SHANK2: variants seen among roughly 807,000 people sequenced by gnomAD.
SHANK2 encodes the protein SH3 and multiple ankyrin repeat domains 2, also known as SH3 and multiple ankyrin repeat domains protein 2.
A neutral mutation model predicts 133.7 loss-of-function variants in SHANK2; 43 were observed. The observed-to-expected ratio is 0.32, with a 90% confidence interval of 0.25 to 0.41. The LOEUF is 0.41. Among genes scored for constraint, SHANK2 ranks in the 10% least tolerant of loss-of-function variants. The pLI is 1.00. For synonymous variants in SHANK2, 1,017 were observed against 952.8 expected (o/e 1.07, Z -1.24); for missense variants, 1,994 against 2,235.8 (o/e 0.89, Z 2.18).
intron 7 of SHANK2, among the ~76,000 whole-genome samples, chr11:71,094,180 A>C (rs1951566035): frequency 6.6e-6 from 1 of 152,028 alleles, no homozygotes; most frequent in African/African-American, 2.4e-5. Context: ...GAATGGCTTA[A>C]CACCACCCAC....
chr11:70,470,474 G>T lies in SHANK2; in HGVS notation c.*2395C>A, dbSNP rs2058584932. On this transcript the variant is annotated 3_prime_UTR_variant, in exon 26 of 26. Transcript: ENST00000601538. ...TGACTCTCCTTTGAGCTAGTGTTTT[G>T]CCTGGCACTGAGCACAGAGGTAATA... is the stretch of plus-strand genomic sequence containing the variant. 6.6e-6 allele frequency: 1 copy of T among 152,504 alleles called. No homozygotes were observed. Among genetic ancestry groups the T allele is most frequent in the Admixed American group, 6.5e-5 (1 of 15,280 alleles). 9.4% of individuals were successfully genotyped at this position (152,504 alleles called of 1,614,324 possible). A position where few individuals can be genotyped will look rare whatever the true frequency, so the allele number is the denominator to read the frequency against.
Position 70,882,361 on chromosome 11 carries a change from G to A in SHANK2, c.1174+14140C>T, listed in dbSNP as rs1949671978. ...GAAAGGCCCCTGGGCTGTGCCTGTAGCTAGGAGCTGGGAACCAGTTCTATA... is the reference window on the plus strand; with the variant it reads ...GAAAGGCCCCTGGGCTGTGCCTGTAACTAGGAGCTGGGAACCAGTTCTATA... On this transcript the variant is annotated intron_variant, in intron 11 of 25. Transcript: ENST00000601538. The surrounding 1 kb of genome is among the most constrained non-coding windows in gnomAD (Gnocchi z 4.2). Among the ~76,000 whole-genome samples the A allele has an allele frequency of 6.6e-6, 1 of 152,226 alleles. No individual in the cohort carries two copies. The highest frequency in any genetic ancestry group is 1.5e-5 in the Non-Finnish European group (1 of 68,048).
intron 14 of SHANK2, among the ~76,000 whole-genome samples, chr11:70,767,247 T>A (rs1317511517): frequency 1.3e-5 from 2 of 152,228 alleles, no homozygotes; most frequent in African/African-American, 2.4e-5. Context: ...CAGACTGACC[T>A]CATTCTCTGG....
intron 17 of SHANK2, among the ~76,000 whole-genome samples, chr11:70,600,822 T>C (rs1436231779): frequency 6.6e-6 from 1 of 152,172 alleles, no homozygotes; most frequent in Non-Finnish European, 1.5e-5. Context: ...GACTTACATA[T>C]GAAAGACAAA....
At chr11:71,059,987 G>A (rs1289981549) in intron 9 of SHANK2, among the ~76,000 whole-genome samples, 1 of 152,226 alleles carries the variant, frequency 6.6e-6, no homozygotes, top group Admixed American at 6.5e-5. Context: ...ACCGTGCTGA[G>A]TGTTCTGTCC....
chr11:70,857,345 C>T (rs1284152352), intron 11 of SHANK2, among the ~76,000 whole-genome samples: 1 of 152,172 alleles, frequency 6.6e-6, no homozygotes. Context: ...ACTCAATGTA[C>T]GGTGACCCGC....
At chr11:70,949,954 A>G in intron 10 of SHANK2, 1 of 418,506 alleles carries the variant, frequency 2.4e-6, no homozygotes, top group Non-Finnish European at 4.8e-6. Context: ...CCGGGAGTCC[A>G]GGATCAAGGA....
chr11:70,815,818 C>A (rs1248058174), intron 12 of SHANK2, among the ~76,000 whole-genome samples: 1 of 152,218 alleles, frequency 6.6e-6, no homozygotes, highest in African/African-American at 2.4e-5. Context: ...CACTGCCACG[C>A]CCACTGCAGT....
intron 14 of SHANK2, among the ~76,000 whole-genome samples, chr11:70,781,558 T>TTATATATATATATATATA (rs1273792106): frequency 0.045 from 1,297 of 28,858 alleles, 261 homozygotes; most frequent in East Asian, 0.1. Context: ...TACTTACTTA[T>TTATATATATATATATATA]TATATATATA....
intron 24 of SHANK2, chr11:70,489,123 G>T (rs909797494): frequency 1.7e-5 from 10 of 592,578 alleles, no homozygotes; most frequent in Admixed American, 1.5e-4. Context: ...ATTCGATAAG[G>T]GTATTCCAAA....
chr11:70,923,817 C>T lies in SHANK2; in HGVS notation c.1108-27250G>A, dbSNP rs143026745. 3.2e-3 allele frequency among the ~76,000 whole-genome samples: 479 copies of T among 152,024 alleles called. 5 individuals are homozygous for T. Among genetic ancestry groups the T allele is most frequent in the African/African-American group, 0.011 (450 of 41,496 alleles). ...ATGATCCCGCCTTGGCCTCCCAAGG[C>T]GCTGGGATGACAGGCATGAGCCGCC... On this transcript the variant is annotated intron_variant, in intron 10 of 25. Transcript: ENST00000601538.
intron 9 of SHANK2, among the ~76,000 whole-genome samples, chr11:71,071,389 C>G (rs928720597): frequency 1.3e-5 from 2 of 152,250 alleles, no homozygotes; most frequent in Admixed American, 6.5e-5. Context: ...CACAGCTCAG[C>G]TGAAATGCCA....
rs868909344 is a variant in SHANK2, at chr11:71,251,769, C to T, written c.-113+656G>A. Among the ~76,000 whole-genome samples the T allele has an allele frequency of 2.0e-5, 3 of 150,934 alleles. No homozygotes were observed. In the South Asian group the frequency reaches 6.2e-4, roughly 31 times the overall value. ...CCCCGGGACCTGGGCGCCCGACCCG[C>T]CACCCCCGGGCCCGCACCAGGCGCG... On this transcript the variant is annotated intron_variant, in intron 1 of 25. Transcript: ENST00000601538.
chr11:71,094,055 G>C (rs1283706480), intron 7 of SHANK2, among the ~76,000 whole-genome samples: 4 of 152,024 alleles, frequency 2.6e-5, no homozygotes, highest in African/African-American at 9.7e-5. Flanking sequence ...CAGGGTGCTG[G>C]GGGGATCTAC....
intron 17 of SHANK2, among the ~76,000 whole-genome samples, chr11:70,559,415 C>T (rs1026444791): frequency 1.3e-5 from 2 of 152,172 alleles, no homozygotes; most frequent in Admixed American, 1.3e-4. Flanking sequence ...GCTTCTTTTT[C>T]TCACACAAAT....
At chr11:70,946,868 T>C (rs1199868132) in intron 10 of SHANK2, among the ~76,000 whole-genome samples, 461 of 36,072 alleles carry the variant, frequency 0.013, no homozygotes, top group African/African-American at 0.016. Context: ...CTCCACTAAC[T>C]AACCCTTCCC....
chr11:70,571,716 G>A (rs540536640), intron 17 of SHANK2, among the ~76,000 whole-genome samples: 1 of 152,148 alleles, frequency 6.6e-6, no homozygotes, highest in African/African-American at 2.4e-5. Flanking sequence ...GGCTGAGGTC[G>A]ATACTGGAGG....
Position 70,473,549 on chromosome 11 carries a change from T to A in SHANK2, c.4980-110A>T. The A allele has an allele frequency of 9.4e-7, 1 of 1,059,662 alleles. No individual in the cohort carries two copies. The highest frequency in any genetic ancestry group is 1.4e-6 in the Non-Finnish European group (1 of 706,628). 65.6% of individuals were successfully genotyped at this position (1,059,662 alleles called of 1,614,324 possible). ...GAGACGCCCAAACCATGCCAGAGTG[T>A]CTAGTGGCAGATCCACTGGCAGTGA... On this transcript the variant is annotated intron_variant, in intron 25 of 25. Coordinates refer to ENST00000601538, the MANE Select transcript of SHANK2 (RefSeq NM_012309.5). The surrounding 1 kb of genome is among the most constrained non-coding windows in gnomAD (Gnocchi z 5.9).
intron 17 of SHANK2, among the ~76,000 whole-genome samples, chr11:70,614,365 C>T (rs988057283): frequency 6.7e-6 from 1 of 149,366 alleles, no homozygotes; most frequent in Admixed American, 6.7e-5. Flanking sequence ...GGCTGGAGTG[C>T]AGTGGCGTGA....
Sources: gnomAD v4.1 joint callset for allele counts (sites outside exome capture counted in the v4.1 genomes callset) on GRCh38, gnomAD v4.1.1 for gene constraint, Gnocchi (gnomAD v3.1) non-coding constraint, MANE v1.5 for transcripts, NCBI Gene and HGNC (gene_info 2026-07-23, HGNC 2026-07-21) for gene names.